Variants in ARHGEF7 observed in about 807,000 individuals in gnomAD.
ARHGEF7 encodes Rho guanine nucleotide exchange factor 7.
A neutral mutation model predicts 109.8 loss-of-function variants in ARHGEF7; 33 were observed. The observed-to-expected ratio is 0.30, with a 90% CI of 0.23 to 0.40. The LOEUF (loss-of-function observed/expected upper bound fraction) is 0.40, where lower values mean the gene tolerates loss of function less well. ARHGEF7 is among the 10% of genes least tolerant of loss of function. ARHGEF7 has a pLI of 1.00. For missense variants in ARHGEF7, 938 were observed against 1,098.5 expected (o/e 0.85, Z 2.07); for synonymous variants, 458 against 424.6 (o/e 1.08, Z -0.97).
chr13:111,282,164 G>A (rs1040795077), intron 15 of ARHGEF7, among the ~76,000 whole-genome samples: 1 of 141,452 alleles, frequency 7.1e-6, no homozygotes, highest in Non-Finnish European at 1.5e-5. Context: ...GAAGTTGATG[G>A]CTTCTATTCT....
chr13:111,186,970 G>A, intron 2 of ARHGEF7: 1 of 985,706 alleles, frequency 1.0e-6, no homozygotes. Context: ...ATGGAGGCAG[G>A]AGGCATTCTT....
intron 3 of ARHGEF7, among the ~76,000 whole-genome samples, chr13:111,208,619 G>A (rs1469357551): frequency 2.6e-5 from 4 of 152,160 alleles, no homozygotes; most frequent in Non-Finnish European, 5.9e-5. Context: ...GCAGACCATG[G>A]CCGGGAGCCC....
intron 8 of ARHGEF7, among the ~76,000 whole-genome samples, chr13:111,244,686 T>G (rs1446965621): frequency 3.3e-5 from 5 of 152,248 alleles, no homozygotes; most frequent in African/African-American, 9.6e-5. Flanking sequence ...GCTTGCCTGC[T>G]GTTTCTGGCC....
chr13:111,200,531 G>A (rs2081099330), intron 2 of ARHGEF7, among the ~76,000 whole-genome samples: 1 of 151,456 alleles, frequency 6.6e-6, no homozygotes, highest in Non-Finnish European at 1.5e-5. Context: ...GAGGTTAGCT[G>A]ATTCAGCTTC....
At chr13:111,205,521 G>T in intron 3 of ARHGEF7, 148 bp downstream of exon 3, 1 of 570,544 alleles carries the variant, frequency 1.8e-6, no homozygotes, top group Non-Finnish European at 3.1e-6. Flanking sequence ...TCCTTTTGCT[G>T]TGATATTTTA....
intron 1 of ARHGEF7, among the ~76,000 whole-genome samples, chr13:111,138,430 G>A (rs1435316258): frequency 1.3e-5 from 2 of 151,884 alleles, no homozygotes; most frequent in African/African-American, 2.4e-5. Context: ...GCAGTGAGCC[G>A]AGATCACACC....
chr13:111,259,001 G>T (rs1439186306), intron 8 of ARHGEF7, among the ~76,000 whole-genome samples: 1 of 152,194 alleles, frequency 6.6e-6, no homozygotes, highest in Non-Finnish European at 1.5e-5. Context: ...TGGAAAAGGG[G>T]AGTGAAGAGT....
chr13:111,250,629 A>T (rs1047374315), intron 8 of ARHGEF7, among the ~76,000 whole-genome samples: 2 of 152,102 alleles, frequency 1.3e-5, no homozygotes, highest in African/African-American at 4.8e-5. Context: ...GTTCAGTTCT[A>T]TTCGGACATT....
At chr13:111,211,153 C>G (rs1406977689) in intron 4 of ARHGEF7, among the ~76,000 whole-genome samples, 1 of 152,174 alleles carries the variant, frequency 6.6e-6, no homozygotes, top group Non-Finnish European at 1.5e-5. Flanking sequence ...CTGCAGTCCT[C>G]ACAGCAGCCC....
chr13:111,178,854 G>T (rs1324882058), intron 2 of ARHGEF7, among the ~76,000 whole-genome samples: 1 of 152,218 alleles, frequency 6.6e-6, no homozygotes, highest in African/African-American at 2.4e-5. Context: ...GTTCATGTGG[G>T]TGTTTATTTG....
At chr13:111,286,782 A>G (rs1197307835) in intron 17 of ARHGEF7, among the ~76,000 whole-genome samples, 4 of 152,160 alleles carry the variant, frequency 2.6e-5, no homozygotes, top group African/African-American at 9.7e-5. Flanking sequence ...GGTGCTCGGT[A>G]GATAGCTTTT....
intron 19 of ARHGEF7, chr13:111,294,208 A>G (rs898978748): frequency 2.0e-5 from 20 of 985,430 alleles, no homozygotes; most frequent in South Asian, 9.4e-5. Context: ...TATACTTACT[A>G]TAAGTGGATT....
At chr13:111,235,923 G>T (rs1038678703) in intron 6 of ARHGEF7, among the ~76,000 whole-genome samples, 1 of 152,210 alleles carries the variant, frequency 6.6e-6, no homozygotes, top group Admixed American at 6.5e-5. Context: ...AAATTTACAT[G>T]AATGACTTGT....
At chr13:111,288,216 G>A in intron 17 of ARHGEF7, 138 bp from the exon 18 acceptor site, 1 of 462,694 alleles carries the variant, frequency 2.2e-6, no homozygotes, top group Admixed American at 3.5e-5. Context: ...GTAGAAAACA[G>A]TTATCTGACA....
intron 1 of ARHGEF7, among the ~76,000 whole-genome samples, chr13:111,121,567 T>C (rs1418390458): frequency 6.6e-6 from 1 of 151,940 alleles, no homozygotes; most frequent in Non-Finnish European, 1.5e-5. Context: ...GCCGTTTGGA[T>C]TGGAGTCTTG....
intron 16 of ARHGEF7, among the ~76,000 whole-genome samples, chr13:111,284,595 G>A (rs1424605345): frequency 6.6e-6 from 1 of 152,232 alleles, no homozygotes; most frequent in Non-Finnish European, 1.5e-5. Context: ...AGTAGAAAGG[G>A]CAACGGAAGG....
At position 111,206,261 on chromosome 13, in the gene ARHGEF7, A is replaced by G. The variant is rs183739003; in HGVS notation, c.337+888A>G. Among the ~76,000 whole-genome samples, 483 of 149,892 alleles carry G rather than the reference A, an allele frequency of 3.2e-3. 1 individual carries two copies. The highest frequency in any genetic ancestry group is 0.011 in the South Asian group (53 of 4,636). Reference sequence around the variant, plus strand: ...GGGGGGTGTACTTGCCTCACTGCACATTGAGGAGAGACGGGGGTTATGCAT... The same window carrying G: ...GGGGGGTGTACTTGCCTCACTGCACGTTGAGGAGAGACGGGGGTTATGCAT... On this transcript the variant is annotated intron_variant, in intron 3 of 21. Transcript: ENST00000646102.
intron 1 of ARHGEF7, among the ~76,000 whole-genome samples, chr13:111,147,482 A>G (rs1427852847): frequency 6.6e-6 from 1 of 152,192 alleles, no homozygotes; most frequent in Non-Finnish European, 1.5e-5. Context: ...ATTCGTTTGT[A>G]TAGCTTCTTC....
At chr13:111,247,121 A>G (rs2088996698) in intron 8 of ARHGEF7, among the ~76,000 whole-genome samples, 1 of 152,162 alleles carries the variant, frequency 6.6e-6, no homozygotes, top group African/African-American at 2.4e-5. Context: ...TTTCTTTCTC[A>G]GCTATTTCTC....
Sources: gnomAD v4.1 joint callset for allele counts (sites outside exome capture counted in the v4.1 genomes callset) on GRCh38, gnomAD v4.1.1 for gene constraint, MANE v1.5 for transcripts, NCBI Gene and HGNC (gene_info 2026-07-23, HGNC 2026-07-21) for gene names.